The following HDAC9 variants were observed in gnomAD, a reference collection of about 807,000 sequenced individuals.
HDAC9 encodes the protein histone deacetylase 9.
HDAC9 carries 41 observed loss-of-function variants against 139.4 expected under a neutral mutation model. The observed-to-expected ratio is 0.29, with a 90% CI of 0.23 to 0.38. HDAC9 has a LOEUF of 0.38. Ranked by LOEUF, HDAC9 falls within the 10% of genes least tolerant of loss-of-function variation. The pLI is 1.00. For synonymous variants in HDAC9, 517 were observed against 476.2 expected (o/e 1.09, Z -1.12); for missense variants, 1,147 against 1,297.0 (o/e 0.88, Z 1.78).
At chr7:18,490,413 G>T (rs1796276357) in intron 1 of HDAC9, among the ~76,000 whole-genome samples, 1 of 152,018 alleles carries the variant, frequency 6.6e-6, no homozygotes, top group African/African-American at 2.4e-5. Context: ...CAAGGCCAAT[G>T]ATTCTAAAGT....
intron 2 of HDAC9, among the ~76,000 whole-genome samples, chr7:18,559,354 C>T (rs997639318): frequency 1.3e-5 from 2 of 152,126 alleles, no homozygotes; most frequent in African/African-American, 4.8e-5. Flanking sequence ...CCTTCTTATC[C>T]TTGATGTTTA....
intron 1 of HDAC9, among the ~76,000 whole-genome samples, chr7:18,367,678 G>C (rs568048535): frequency 1.2e-3 from 177 of 152,092 alleles, no homozygotes; most frequent in Non-Finnish European, 2.3e-3. Context: ...TACATGTATG[G>C]GTATAAGGTA....
chr7:18,858,218 C>G (rs1797836364), intron 21 of HDAC9, among the ~76,000 whole-genome samples: 1 of 152,064 alleles, frequency 6.6e-6, no homozygotes, highest in Non-Finnish European at 1.5e-5. Flanking sequence ...AATGGATAAT[C>G]AATGTATTAC....
intron 6 of HDAC9, among the ~76,000 whole-genome samples, chr7:18,628,449 T>C (rs1781366733): frequency 6.6e-6 from 1 of 152,330 alleles, no homozygotes; most frequent in Non-Finnish European, 1.5e-5. Flanking sequence ...TAAATGTTAA[T>C]TGTTATGAGA....
intron 3 of HDAC9, among the ~76,000 whole-genome samples, chr7:18,587,197 A>C (rs1829719290): frequency 6.6e-6 from 1 of 152,170 alleles, no homozygotes; most frequent in Non-Finnish European, 1.5e-5. Context: ...GCTTAATTTT[A>C]CTCAAAAGGT....
chr7:18,555,149 T>G (rs1004206865), intron 2 of HDAC9, among the ~76,000 whole-genome samples: 2 of 152,206 alleles, frequency 1.3e-5, no homozygotes, highest in Non-Finnish European at 2.9e-5. Flanking sequence ...AAAAAGATTC[T>G]TATGCCCCAC....
chr7:18,708,713 CAAGATTCTAGTTATGA>C (rs1229459028), intron 12 of HDAC9, among the ~76,000 whole-genome samples: 2 of 152,016 alleles, frequency 1.3e-5, no homozygotes, highest in Non-Finnish European at 2.9e-5. Flanking sequence ...TATTGGACGG[CAAGATTCTAGTTATGA>C]AAGAGTGCTT....
intron 1 of HDAC9, among the ~76,000 whole-genome samples, chr7:18,459,163 C>T (rs1446488588): frequency 1.3e-5 from 2 of 152,102 alleles, no homozygotes; most frequent in Admixed American, 6.6e-5. Flanking sequence ...CTTTTTACCC[C>T]TCTCTACTCG....
intron 7 of HDAC9, among the ~76,000 whole-genome samples, 183 bp from the exon 8 acceptor site, chr7:18,634,444 G>A (rs1454673774): frequency 6.6e-6 from 1 of 151,848 alleles, no homozygotes; most frequent in African/African-American, 2.4e-5. Context: ...GAAAACAAAG[G>A]AGGAATAAGT....
intron 12 of HDAC9, among the ~76,000 whole-genome samples, chr7:18,673,375 T>A (rs2129085038): frequency 6.6e-6 from 1 of 152,190 alleles, no homozygotes; most frequent in African/African-American, 2.4e-5. Context: ...ATTTGCTCTG[T>A]CCAAACTAGT....
intron 1 of HDAC9, among the ~76,000 whole-genome samples, chr7:18,317,045 G>A (rs1799701186): frequency 6.6e-6 from 1 of 151,140 alleles, no homozygotes; most frequent in Non-Finnish European, 1.5e-5. Flanking sequence ...AGTGAGCCGA[G>A]ATGGCGCCAC....
chr7:18,696,950 A>T (rs1332752806), intron 12 of HDAC9, among the ~76,000 whole-genome samples: 2 of 152,140 alleles, frequency 1.3e-5, no homozygotes, highest in Non-Finnish European at 2.9e-5. Flanking sequence ...GATTGCAAAG[A>T]TATCTGTTGG....
intron 1 of HDAC9, among the ~76,000 whole-genome samples, chr7:18,130,569 G>T (rs1043979066): frequency 2.6e-5 from 4 of 152,004 alleles, no homozygotes; most frequent in African/African-American, 9.7e-5. Context: ...TTTAGTGGTC[G>T]TTAGTATATT....
chr7:18,630,103 G>A (rs1781882430), intron 7 of HDAC9, among the ~76,000 whole-genome samples: 1 of 151,956 alleles, frequency 6.6e-6, no homozygotes, highest in African/African-American at 2.4e-5. Flanking sequence ...AATTCAACCT[G>A]AGGTCTTACA....
chr7:18,744,699 T>C (rs568822283), intron 13 of HDAC9, among the ~76,000 whole-genome samples: 1 of 152,026 alleles, frequency 6.6e-6, no homozygotes, highest in Non-Finnish European at 1.5e-5. Flanking sequence ...ATTATATGGC[T>C]AAAAAATGAC....
intron 21 of HDAC9, among the ~76,000 whole-genome samples, chr7:18,860,955 TAGC>T (rs1798059318): frequency 6.6e-6 from 1 of 152,158 alleles, no homozygotes; most frequent in South Asian, 2.1e-4. Context: ...AATTGGATAG[TAGC>T]AGAGCAAAGT....
chr7:18,737,125 TTTC>T (rs1322581371), intron 13 of HDAC9, among the ~76,000 whole-genome samples: 1 of 152,162 alleles, frequency 6.6e-6, no homozygotes, highest in African/African-American at 2.4e-5. Flanking sequence ...TCTTCTCTCT[TTTC>T]TTCTTTATTG....
intron 1 of HDAC9, among the ~76,000 whole-genome samples, chr7:18,088,703 A>G (rs867084273): frequency 7.9e-5 from 12 of 152,210 alleles, no homozygotes; most frequent in Non-Finnish European, 1.3e-4. Context: ...GTTGTTTAAT[A>G]TATTTGCCTT....
chr7:18,497,431 A>C (rs1223404115), intron 2 of HDAC9, among the ~76,000 whole-genome samples: 1 of 152,138 alleles, frequency 6.6e-6, no homozygotes, highest in Non-Finnish European at 1.5e-5. Context: ...TCTATGTTTA[A>C]AGCTAGTTTT....
Sources: gnomAD v4.1 joint callset for allele counts (sites outside exome capture counted in the v4.1 genomes callset) on GRCh38, gnomAD v4.1.1 for gene constraint, MANE v1.5 for transcripts, NCBI Gene and HGNC (gene_info 2026-07-23, HGNC 2026-07-21) for gene names.